MEI4: variants seen among roughly 807,000 people sequenced by gnomAD.
The protein encoded by MEI4 is meiosis-specific protein MEI4.
A neutral mutation model predicts 31.4 loss-of-function variants in MEI4; 27 were observed. That is an observed-to-expected ratio of 0.86 (90% CI 0.63 to 1.19). The LOEUF (loss-of-function observed/expected upper bound fraction) is 1.19, where lower values mean the gene tolerates loss of function less well. Ranked by LOEUF, MEI4 falls within the 50% of genes most tolerant of loss-of-function variation. The pLI is 0.00. For missense variants in MEI4, 329 were observed against 398.9 expected, an observed-to-expected ratio of 0.82 and a Z score of 1.49; for synonymous variants, 122 against 145.4, an observed-to-expected ratio of 0.84 and a Z score of 1.16.
chr6:77,787,257 C>A (rs1768763061), intron 3 of MEI4, among the ~76,000 whole-genome samples: 2 of 152,184 alleles, frequency 1.3e-5, no homozygotes, highest in Non-Finnish European at 2.9e-5. Context: ...CTCCCAGAGA[C>A]CCGCAGGAAG....
intron 2 of MEI4, among the ~76,000 whole-genome samples, chr6:77,710,520 CA>C (rs1198470708): frequency 2.6e-3 from 148 of 57,712 alleles, no homozygotes; most frequent in East Asian, 7.0e-3. Context: ...GACTCCATCT[CA>C]AAAAAAAAAA....
At chr6:77,713,007 A>G (rs1014104839) in intron 2 of MEI4, among the ~76,000 whole-genome samples, 1 of 151,984 alleles carries the variant, frequency 6.6e-6, no homozygotes, top group African/African-American at 2.4e-5. Flanking sequence ...TTGATGGAGC[A>G]TTAGGGTTGC....
In MEI4 at chr6:77,772,854, G is replaced by T. The variant is rs1768350116; in HGVS notation, c.768+11189G>T. 2.0e-5 allele frequency among the ~76,000 whole-genome samples: 3 copies of T among 151,946 alleles called. No homozygotes were observed. The South Asian group carries it at 6.2e-4, about 31-fold the overall frequency. ...AACTGAAAACAAATTTAGTAAATTT[G>T]TGGGATTCAAGATCAACAAAGAGAA... On this transcript the variant is annotated intron_variant, in intron 3 of 4. Transcript: ENST00000684080.
chr6:77,698,994 C>T (rs1482016143), intron 2 of MEI4, among the ~76,000 whole-genome samples: 1 of 151,744 alleles, frequency 6.6e-6, no homozygotes, highest in Non-Finnish European at 1.5e-5. Flanking sequence ...TCTAAACTTC[C>T]CTTCTCGCTT....
chr6:77,830,278 T>TA (rs1770046306), intron 4 of MEI4, among the ~76,000 whole-genome samples: 1 of 152,036 alleles, frequency 6.6e-6, no homozygotes, highest in African/African-American at 2.4e-5. Context: ...GGTGAAGTCT[T>TA]AGAGTTTAAC....
chr6:77,702,836 G>T (rs1205145513), intron 2 of MEI4, among the ~76,000 whole-genome samples: 1 of 152,128 alleles, frequency 6.6e-6, no homozygotes, highest in African/African-American at 2.4e-5. Flanking sequence ...AATGGACCTT[G>T]CTCAGCCCCA....
intron 3 of MEI4, among the ~76,000 whole-genome samples, chr6:77,817,982 A>G (rs551359117): frequency 6.6e-6 from 1 of 152,182 alleles, no homozygotes; most frequent in Non-Finnish European, 1.5e-5. Context: ...TGCATCGCTC[A>G]TATACTGCAG....
intron 4 of MEI4, among the ~76,000 whole-genome samples, chr6:77,845,459 A>G (rs1389136588): frequency 9.9e-5 from 15 of 152,138 alleles, no homozygotes; most frequent in African/African-American, 1.9e-4. Flanking sequence ...CTGGATCTCT[A>G]TGCAATTTTA....
intron 3 of MEI4, among the ~76,000 whole-genome samples, chr6:77,766,272 G>A (rs1768172192): frequency 6.6e-6 from 1 of 152,122 alleles, no homozygotes. Flanking sequence ...GCTGTGCTAT[G>A]TTGCATCTCT....
chr6:77,748,408 C>T (rs2101181), intron 2 of MEI4, among the ~76,000 whole-genome samples: 20,965 of 152,240 alleles, frequency 0.14, 1,531 homozygotes, highest in Middle Eastern at 0.21. Flanking sequence ...GGTTTACACC[C>T]ACTGAAGCAA....
At chr6:77,667,852 C>T (rs1768667189) in intron 1 of MEI4, among the ~76,000 whole-genome samples, 1 of 151,706 alleles carries the variant, frequency 6.6e-6, no homozygotes, top group Non-Finnish European at 1.5e-5. Context: ...CAGCAAGAAT[C>T]CTGTGTAGCC....
chr6:77,762,375 C>T (rs182397056), intron 3 of MEI4, among the ~76,000 whole-genome samples: 66 of 152,252 alleles, frequency 4.3e-4, no homozygotes, highest in African/African-American at 1.6e-3. Flanking sequence ...GCTCTTGAGA[C>T]ATGATAGAGA....
intron 3 of MEI4, among the ~76,000 whole-genome samples, chr6:77,772,502 A>G (rs1452549240): frequency 2.0e-5 from 3 of 152,054 alleles, no homozygotes; most frequent in African/African-American, 7.2e-5. Context: ...AAAGCATATG[A>G]TAAACTTCAG....
At chr6:77,677,432 G>C (rs1048461994) in intron 1 of MEI4, among the ~76,000 whole-genome samples, 1 of 152,128 alleles carries the variant, frequency 6.6e-6, no homozygotes, top group Non-Finnish European at 1.5e-5. Flanking sequence ...CTAGATAGTT[G>C]TGCAAGCTGG....
chr6:77,910,034 A>G (rs1766395934), intron 4 of MEI4, among the ~76,000 whole-genome samples: 1 of 152,170 alleles, frequency 6.6e-6, no homozygotes, highest in Non-Finnish European at 1.5e-5. Flanking sequence ...CTCTGAATAA[A>G]TTAGGTATTG....
intron 1 of MEI4, among the ~76,000 whole-genome samples, chr6:77,658,412 G>T (rs547650160): frequency 6.6e-6 from 1 of 152,088 alleles, no homozygotes; most frequent in African/African-American, 2.4e-5. Context: ...GGATGTATAC[G>T]TGCAAGTCAC....
At chr6:77,849,110 G>A (rs770179581) in intron 4 of MEI4, among the ~76,000 whole-genome samples, 6 of 151,422 alleles carry the variant, frequency 4.0e-5, no homozygotes, top group Admixed American at 6.6e-5. Flanking sequence ...ATAAAAATCA[G>A]GAAAGAGTTA....
At chr6:77,731,986 T>G (rs1016677819) in intron 2 of MEI4, among the ~76,000 whole-genome samples, 2 of 147,642 alleles carry the variant, frequency 1.4e-5, no homozygotes, top group Admixed American at 6.8e-5. Flanking sequence ...CATTGATCTA[T>G]ATCTCTGTTT....
At chr6:77,887,134 T>C (rs1345673526) in intron 4 of MEI4, among the ~76,000 whole-genome samples, 1 of 152,042 alleles carries the variant, frequency 6.6e-6, no homozygotes, top group Non-Finnish European at 1.5e-5. Context: ...CAGAATCTTA[T>C]TAGTATCTCA....
Sources: gnomAD v4.1 joint callset for allele counts (sites outside exome capture counted in the v4.1 genomes callset) on GRCh38, gnomAD v4.1.1 for gene constraint, MANE v1.5 for transcripts, NCBI Gene and HGNC (gene_info 2026-07-23, HGNC 2026-07-21) for gene names.